The following ULK4 variants were observed in gnomAD, a reference collection of about 807,000 sequenced individuals.
The protein encoded by ULK4 is inactive serine/threonine-protein kinase ULK4.
Under a neutral mutation model 160.6 loss-of-function variants are expected in ULK4, and 133 were observed. The observed-to-expected ratio is 0.83, with a 90% CI of 0.72 to 0.96. ULK4 has a LOEUF of 0.96. Ranked by LOEUF, ULK4 falls within the 40% of genes least tolerant of loss-of-function variation. The pLI, the probability that ULK4 is intolerant of heterozygous loss-of-function variation, is 0.00. For missense variants in ULK4, 1,580 were observed against 1,499.5 expected (o/e 1.05, Z -0.89); for synonymous variants, 534 against 539.8 (o/e 0.99, Z 0.15).
intron 17 of ULK4, among the ~76,000 whole-genome samples, chr3:41,852,389 A>G (rs1437469370): frequency 6.6e-6 from 1 of 152,220 alleles, no homozygotes; most frequent in Non-Finnish European, 1.5e-5. Context: ...ATCGAATTGC[A>G]ATAAATCTGT....
intron 1 of ULK4, among the ~76,000 whole-genome samples, chr3:41,960,292 GGTTT>G (rs1029515109): frequency 1.3e-5 from 2 of 151,966 alleles, no homozygotes; most frequent in African/African-American, 2.4e-5. Context: ...TAGATAGGGT[GGTTT>G]GTTACTTTCA....
intron 19 of ULK4, among the ~76,000 whole-genome samples, chr3:41,816,146 A>G (rs1199646126): frequency 1.3e-5 from 2 of 151,964 alleles, no homozygotes; most frequent in Non-Finnish European, 2.9e-5. Context: ...TATTATATAT[A>G]AAGTGGCTAC....
intron 31 of ULK4, among the ~76,000 whole-genome samples, chr3:41,587,645 G>C (rs1050475492): frequency 6.6e-6 from 1 of 152,046 alleles, no homozygotes; most frequent in Non-Finnish European, 1.5e-5. Context: ...ATTGTAACTA[G>C]ATAAAGTCAC....
intron 35 of ULK4, among the ~76,000 whole-genome samples, chr3:41,332,925 C>T (rs114184708): frequency 1.3e-5 from 2 of 152,274 alleles, no homozygotes; most frequent in African/African-American, 4.8e-5. Flanking sequence ...TCTGTTTCTG[C>T]GTTTAACCAA....
chr3:41,451,470 G>C (rs1309440503), intron 34 of ULK4, among the ~76,000 whole-genome samples: 1 of 151,588 alleles, frequency 6.6e-6, no homozygotes, highest in East Asian at 2.0e-4. Flanking sequence ...TGATCAAAGG[G>C]GAAATTTTCG....
chr3:41,506,767 A>AAAAAAAAAAAATATATATATAAATATAT lies in ULK4; in HGVS notation c.3227-43515_3227-43514insATATATTTATATATATATTTTTTTTTTT. ...AGCAATACACTGGAGTGTGATTTAA[A>AAAAAAAAAAAATATATATATAAATATAT]ATATATATATATATATATATATATA... On this transcript the variant is annotated intron_variant, in intron 32 of 36. Transcript: ENST00000301831. Among the ~76,000 whole-genome samples, 154 of 56,786 alleles carry AAAAAAAAAAAATATATATATAAATATAT rather than the reference A, an allele frequency of 2.7e-3. 22 individuals are homozygous for AAAAAAAAAAAATATATATATAAATATAT. Among genetic ancestry groups the AAAAAAAAAAAATATATATATAAATATAT allele is most frequent in the Non-Finnish European group, 3.5e-3 (113 of 31,976 alleles). The allele number at this position is 56,786 out of a possible 152,430, so 37.3% of individuals were successfully genotyped here. A position where few individuals can be genotyped will look rare whatever the true frequency, so the allele number is the denominator to read the frequency against.
At chr3:41,251,981 G>A (rs982004947) in intron 35 of ULK4, among the ~76,000 whole-genome samples, 2 of 152,152 alleles carry the variant, frequency 1.3e-5, no homozygotes, top group African/African-American at 4.8e-5. Context: ...GCATGCCCCA[G>A]AATTGAAGAA....
intron 30 of ULK4, among the ~76,000 whole-genome samples, chr3:41,660,164 T>C (rs758446835): frequency 1.7e-3 from 265 of 152,040 alleles, no homozygotes; most frequent in Non-Finnish European, 2.7e-3. Context: ...GTGTGGTGAC[T>C]CATGCCTGTA....
At chr3:41,736,626 C>T (rs1022794528) in intron 22 of ULK4, among the ~76,000 whole-genome samples, 1 of 151,562 alleles carries the variant, frequency 6.6e-6, no homozygotes, top group Non-Finnish European at 1.5e-5. Flanking sequence ...CAAAAATTTT[C>T]TCCCATTCTG....
chr3:41,522,982 G>A (rs2085985380), intron 32 of ULK4, among the ~76,000 whole-genome samples: 1 of 152,200 alleles, frequency 6.6e-6, no homozygotes, highest in East Asian at 1.9e-4. Flanking sequence ...CACGATCTCT[G>A]CTCACTGTAA....
chr3:41,949,126 G>A (rs1700203396), intron 2 of ULK4, among the ~76,000 whole-genome samples: 1 of 151,854 alleles, frequency 6.6e-6, no homozygotes, highest in Non-Finnish European at 1.5e-5. Context: ...GGCCAACATG[G>A]TGAAACCCCG....
chr3:41,941,755 CAA>C (rs565727539), intron 2 of ULK4, among the ~76,000 whole-genome samples: 2,547 of 30,500 alleles, frequency 0.084, 23 homozygotes, highest in East Asian at 0.28. Flanking sequence ...GACTCTGTCT[CAA>C]AAAAAAAAAA....
intron 21 of ULK4, among the ~76,000 whole-genome samples, chr3:41,754,982 C>T (rs183824426): frequency 4.7e-4 from 72 of 152,284 alleles, no homozygotes; most frequent in African/African-American, 1.2e-3. Flanking sequence ...CACAAAGAAA[C>T]GTATACTCCT....
chr3:41,334,459 A>AT (rs1436646737), intron 35 of ULK4, among the ~76,000 whole-genome samples: 2 of 152,150 alleles, frequency 1.3e-5, no homozygotes, highest in Admixed American at 6.5e-5. Flanking sequence ...ACTCTGGAGG[A>AT]TTTTTTATGG....
chr3:41,780,709 G>C (rs1384868194), intron 21 of ULK4, among the ~76,000 whole-genome samples: 2 of 152,180 alleles, frequency 1.3e-5, no homozygotes, highest in Admixed American at 1.3e-4. Flanking sequence ...AGCTTCCAGA[G>C]TTTCCATAGA....
chr3:41,535,739 C>T (rs1343642192), intron 32 of ULK4, among the ~76,000 whole-genome samples: 1 of 152,166 alleles, frequency 6.6e-6, no homozygotes, highest in African/African-American at 2.4e-5. Context: ...AAAGTAAGCT[C>T]ACACACTTAG....
chr3:41,468,157 C>T (rs80186783), intron 32 of ULK4, among the ~76,000 whole-genome samples: 4,779 of 152,098 alleles, frequency 0.031, 243 homozygotes, highest in African/African-American at 0.11. Flanking sequence ...GAGTTTGATA[C>T]AACAAAGGGA....
chr3:41,649,373 G>T lies in ULK4; in HGVS notation c.3071+14234C>A, dbSNP rs2034642964. On this transcript the variant is annotated intron_variant, in intron 30 of 36. Coordinates refer to ENST00000301831, the MANE Select transcript of ULK4 (RefSeq NM_017886.4). ...ACCCCCTACTGAGTCAGCAGGGCAGGGTACCTGTGCACCTAGCTGCAGCTG... is the reference window on the plus strand; with the variant it reads ...ACCCCCTACTGAGTCAGCAGGGCAGTGTACCTGTGCACCTAGCTGCAGCTG... 2.0e-5 allele frequency among the ~76,000 whole-genome samples: 3 copies of T among 152,082 alleles called. No individual in the cohort carries two copies. The South Asian group carries it at 6.2e-4, about 31-fold the overall frequency.
rs371864374 is a variant in ULK4 at position 41,508,523 on chromosome 3, A to G, written c.3227-45270T>C. Among the ~76,000 whole-genome samples, 34 of 152,204 alleles carry G rather than the reference A, an allele frequency of 2.2e-4. No individual in the cohort carries two copies. In the South Asian group the frequency reaches 7.0e-3, roughly 32 times the overall value. On this transcript the variant is annotated intron_variant, in intron 32 of 36. Transcript: ENST00000301831. ...GCCACCTCCTGGCTGGAGGTCAACC[A>G]ACACAAAACAAAAATATAACCAAGG...
Sources: allele counts gnomAD v4.1 joint callset (sites outside exome capture counted in the v4.1 genomes callset), GRCh38; gene constraint gnomAD v4.1.1; transcripts MANE v1.5; gene names NCBI Gene and HGNC (gene_info 2026-07-23, HGNC 2026-07-21).